MIA2: variants seen among roughly 807,000 people sequenced by gnomAD.
MIA2 encodes the protein MIA SH3 domain ER export factor 2.
A neutral mutation model predicts 167.8 loss-of-function variants in MIA2; 127 were observed. The ratio of observed to expected loss-of-function variants is 0.76; its 90% CI spans 0.66 to 0.88. The LOEUF (loss-of-function observed/expected upper bound fraction) is 0.88, where lower values mean the gene tolerates loss of function less well. Ranked by LOEUF, MIA2 falls within the 40% of genes least tolerant of loss-of-function variation. The pLI, the probability that MIA2 is intolerant of heterozygous loss-of-function variation, is 0.00. For synonymous variants in MIA2, 552 were observed against 541.9 expected, an observed-to-expected ratio of 1.02 and a Z score of -0.26; for missense variants, 1,690 against 1,624.7, an observed-to-expected ratio of 1.04 and a Z score of -0.69.
intron 14 of MIA2, 100 bp downstream of exon 14, chr14:39,300,086 T>G: frequency 2.8e-6 from 4 of 1,447,978 alleles, no homozygotes; most frequent in Non-Finnish European, 3.7e-6. Flanking sequence ...TTTCACAACA[T>G]ATTTTCATAA....
At chr14:39,369,851 C>T (rs908169471) in intron 23 of MIA2, among the ~76,000 whole-genome samples, 1 of 141,916 alleles carries the variant, frequency 7.0e-6, no homozygotes, top group South Asian at 2.2e-4. Context: ...TTTTCTCCCC[C>T]CTATGTTGGC....
At chr14:39,302,777 C>T (rs1310274483) in intron 15 of MIA2, among the ~76,000 whole-genome samples, 1 of 152,154 alleles carries the variant, frequency 6.6e-6, no homozygotes, top group Admixed American at 6.5e-5. Context: ...TGTATTCTCA[C>T]ACCAATTCCT....
intron 24 of MIA2, among the ~76,000 whole-genome samples, chr14:39,324,346 T>A (rs937020887): frequency 6.6e-6 from 1 of 152,168 alleles, no homozygotes; most frequent in African/African-American, 2.4e-5. Flanking sequence ...ATTATTAGGA[T>A]GAAGAAGCGA....
chr14:39,373,788 TC>T (rs1387770929), intron 23 of MIA2, among the ~76,000 whole-genome samples: 1 of 151,922 alleles, frequency 6.6e-6, no homozygotes, highest in Non-Finnish European at 1.5e-5. Flanking sequence ...GCCATTGCAC[TC>T]CAGCCTGCAT....
intron 1 of MIA2, among the ~76,000 whole-genome samples, chr14:39,234,510 A>C (rs962482592): frequency 2.6e-5 from 4 of 152,112 alleles, no homozygotes; most frequent in African/African-American, 9.7e-5. Flanking sequence ...TTAATCTAGG[A>C]GTCTCTGAGC....
intron 23 of MIA2, among the ~76,000 whole-genome samples, chr14:39,360,454 GTT>G (rs553599065): frequency 6.9e-6 from 1 of 144,606 alleles, no homozygotes; most frequent in African/African-American, 2.5e-5. Flanking sequence ...ATGTTTTAAT[GTT>G]TTTTTTTTTG....
intron 23 of MIA2, among the ~76,000 whole-genome samples, chr14:39,374,706 A>C (rs2075014230): frequency 6.6e-6 from 1 of 152,034 alleles, no homozygotes; most frequent in African/African-American, 2.4e-5. Flanking sequence ...GTTCACATGG[A>C]AATTAGGCAG....
At chr14:39,252,661 G>A in intron 4 of MIA2, 87 bp from the exon 5 acceptor site, 1 of 977,716 alleles carries the variant, frequency 1.0e-6, no homozygotes, top group Non-Finnish European at 1.5e-6. Context: ...CAAAAGTTCA[G>A]AAAAATGACC....
At chr14:39,335,664 A>T (rs751178232) in intron 25 of MIA2, among the ~76,000 whole-genome samples, 3 of 152,184 alleles carry the variant, frequency 2.0e-5, no homozygotes, top group Non-Finnish European at 4.4e-5. Context: ...TTACATGGGT[A>T]TATTGCATGA....
At chr14:39,261,675 C>T (rs1018035902) in intron 6 of MIA2, among the ~76,000 whole-genome samples, 2 of 152,130 alleles carry the variant, frequency 1.3e-5, no homozygotes, top group Non-Finnish European at 2.9e-5. Flanking sequence ...TTTTAATGAT[C>T]ACCATTTTAA....
intron 9 of MIA2, among the ~76,000 whole-genome samples, chr14:39,286,356 A>G (rs2059784514): frequency 6.6e-6 from 1 of 152,136 alleles, no homozygotes; most frequent in Non-Finnish European, 1.5e-5. Flanking sequence ...GAGGCAGGAG[A>G]ATCAGGCAGG....
At chr14:39,340,255 ATATAT>A (rs1056667574) in intron 25 of MIA2, among the ~76,000 whole-genome samples, 12 of 152,254 alleles carry the variant, frequency 7.9e-5, no homozygotes, top group African/African-American at 2.9e-4. Context: ...GATTTGGATA[ATATAT>A]TTTATGTAAG....
chr14:39,266,447 G>T, intron 6 of MIA2: 2 of 985,450 alleles, frequency 2.0e-6, no homozygotes, highest in Non-Finnish European at 2.4e-6. Flanking sequence ...AAGGTCCACG[G>T]GGATTTGATT....
rs368082392 is a variant in MIA2, at chr14:39,321,043, G to T, written c.3483G>T (p.Gly1161=). The T allele has an allele frequency of 3.0e-5, 49 of 1,612,562 alleles. 1 individual carries two copies. Among genetic ancestry groups the T allele is most frequent in the Admixed American group, 1.0e-4 (6 of 59,656 alleles). Residue 1161 remains glycine, a synonymous_variant, in exon 24 of 29, where the codon GGG becomes GGT. Transcript: ENST00000640607. ...GPLRLSPLLP[G]GGGRGSRGPG... The stretch of plus-strand genomic sequence containing the variant: ...TCAGACTCTCACCTTTGCTTCCAGG[G>T]GGAGGAGGAAGAGGTATATTGTTTA...
chr14:39,361,384 GT>G (rs975429505), intron 23 of MIA2, among the ~76,000 whole-genome samples: 1 of 148,588 alleles, frequency 6.7e-6, no homozygotes, highest in African/African-American at 2.5e-5. Context: ...ATTCTTTGGT[GT>G]TTTACTGTTT....
intron 23 of MIA2, among the ~76,000 whole-genome samples, chr14:39,357,542 G>A (rs544755668): frequency 1.3e-5 from 2 of 152,236 alleles, no homozygotes; most frequent in Admixed American, 6.5e-5. Flanking sequence ...GGAGCATTTA[G>A]CCCATTTACA....
chr14:39,370,560 G>A, intron 23 of MIA2: 1 of 382,598 alleles, frequency 2.6e-6, no homozygotes, highest in Non-Finnish European at 5.4e-6. Flanking sequence ...GCACCACCGT[G>A]TTGCTGAAGC....
In MIA2 at chr14:39,314,797, C is replaced by G; in HGVS notation, c.3178C>G (p.Gln1060Glu). Residue 1060 changes from glutamine (Q) to glutamate (E), a missense_variant and splice_region_variant, in exon 20 of 29, where the codon CAG (glutamine) becomes GAG (glutamate). Transcript: ENST00000640607. ...GAGAACTATTCATTCTTATCAAGGG[C>G]AGGTATATATATATGTGTGTGTGTG... Reference protein sequence around the residue: ...LERTIHSYQGQIISHEKKAHD... With the variant: ...LERTIHSYQGEIISHEKKAHD... 1 of 1,348,838 alleles carries G rather than the reference C, an allele frequency of 7.4e-7. No individual in the cohort carries two copies. The highest frequency in any genetic ancestry group is 2.5e-5 in the East Asian group (1 of 40,184). The allele number at this position is 1,348,838 out of a possible 1,614,324, so 83.6% of individuals were successfully genotyped here.
At chr14:39,378,838 G>A (rs989788683) in intron 23 of MIA2, among the ~76,000 whole-genome samples, 1 of 152,134 alleles carries the variant, frequency 6.6e-6, no homozygotes, top group Non-Finnish European at 1.5e-5. Flanking sequence ...AATGAAGACC[G>A]AATTTAGAAT....
Sources: allele counts gnomAD v4.1 joint callset (sites outside exome capture counted in the v4.1 genomes callset), GRCh38; gene constraint gnomAD v4.1.1; transcripts MANE v1.5; gene names NCBI Gene and HGNC (gene_info 2026-07-23, HGNC 2026-07-21).